VAMP7: variants seen among roughly 807,000 people sequenced by gnomAD.
The protein encoded by VAMP7 is vesicle associated membrane protein 7, also known as vesicle-associated membrane protein 7.
VAMP7 carries 14 observed loss-of-function variants against 29.6 expected under a neutral mutation model. The observed-to-expected ratio is 0.47, with a 90% CI of 0.31 to 0.74. The LOEUF (loss-of-function observed/expected upper bound fraction) is 0.74, where lower values mean the gene tolerates loss of function less well. Ranked by LOEUF, VAMP7 falls within the 30% of genes least tolerant of loss-of-function variation. The pLI is 0.05. For synonymous variants in VAMP7, 95 were observed against 88.1 expected (o/e 1.08, Z -0.44); for missense variants, 223 against 262.4 (o/e 0.85, Z 1.04).
intron 1 of VAMP7, among the ~76,000 whole-genome samples, chrX:155,884,526 C>T (rs1315635100): frequency 6.6e-6 from 1 of 152,150 alleles, no homozygotes; most frequent in Non-Finnish European, 1.5e-5. Context: ...AACAGCAGTA[C>T]AAGAGTGCTT....
rs770677254 is a variant in VAMP7, at chrX:155,919,844, A to G, written c.465A>G (p.Glu155=). The G allele has an allele frequency of 2.6e-5, 42 of 1,613,320 alleles. No homozygotes were observed. The African/African-American group carries it at 4.8e-4, about 18-fold the overall frequency. The change falls in exon 6 of 8, where the codon GAA becomes GAG. Residue 155 remains glutamate, a synonymous_variant. Transcript: ENST00000286448. ...TAGCTCAGCGAGGAGAAAGATTGGA[A>G]TTATTGATTGACAAAACAGAAAATC... ...DLVAQRGERL[E]LLIDKTENLV...
chrX:155,910,212 C>G (rs1056972161), intron 5 of VAMP7, among the ~76,000 whole-genome samples: 3 of 152,128 alleles, frequency 2.0e-5, no homozygotes, highest in Admixed American at 2.0e-4. Flanking sequence ...TGATATTTGT[C>G]TTTCCATGCC....
Position 155,889,443 on chromosome X carries a change from T to C in VAMP7, c.-9-15T>C. The C allele has an allele frequency of 6.2e-7, 1 of 1,609,014 alleles. No homozygotes were observed. On this transcript the variant is annotated splice_polypyrimidine_tract_variant and intron_variant, in intron 1 of 7. Coordinates refer to ENST00000286448, the MANE Select transcript of VAMP7 (RefSeq NM_005638.6). The stretch of plus-strand genomic sequence containing the variant: ...AAAGAAATATTCTAAATCTGTGTCT[T>C]TTTCCTTTTGATAGACTGAAGCCAT...
chrX:155,933,539 C>G (rs1010533823), intron 6 of VAMP7, among the ~76,000 whole-genome samples: 9 of 152,094 alleles, frequency 5.9e-5, no homozygotes, highest in Non-Finnish European at 1.2e-4. Flanking sequence ...TCTGTGGGAT[C>G]GGTGGTGATA....
At chrX:155,882,360 T>A (rs1025279149) in intron 1 of VAMP7, among the ~76,000 whole-genome samples, 3 of 152,204 alleles carry the variant, frequency 2.0e-5, no homozygotes, top group Non-Finnish European at 4.4e-5. Context: ...TTATGTTATA[T>A]ATTGGTTAAT....
chrX:155,896,952 AAT>A (rs1003856589), intron 3 of VAMP7, among the ~76,000 whole-genome samples: 54 of 150,446 alleles, frequency 3.6e-4, no homozygotes, highest in African/African-American at 1.1e-3. Context: ...ATTATATTGA[AAT>A]ATATATATAT....
chrX:155,899,266 C>G (rs1351271357), intron 4 of VAMP7, among the ~76,000 whole-genome samples: 2 of 151,340 alleles, frequency 1.3e-5, no homozygotes, highest in Non-Finnish European at 2.9e-5. Context: ...CCAGCAGTTC[C>G]AGTGTCTCTG....
intron 6 of VAMP7, among the ~76,000 whole-genome samples, chrX:155,935,441 T>A (rs1204162930): frequency 6.6e-6 from 1 of 152,210 alleles, no homozygotes; most frequent in Non-Finnish European, 1.5e-5. Context: ...TCGCTTCATT[T>A]CATTCATTTG....
chrX:155,923,123 C>T (rs2066418800), intron 6 of VAMP7, among the ~76,000 whole-genome samples: 1 of 151,814 alleles, frequency 6.6e-6, no homozygotes, highest in African/African-American at 2.4e-5. Context: ...CTATTGTTGA[C>T]ATATTTTTAT....
chrX:155,937,539 C>T (rs1293083669), intron 6 of VAMP7, among the ~76,000 whole-genome samples: 1 of 151,872 alleles, frequency 6.6e-6, no homozygotes, highest in East Asian at 1.9e-4. Flanking sequence ...GAATATATAC[C>T]ATTTTTATTT....
At chrX:155,914,536 A>G (rs2066283595) in intron 5 of VAMP7, among the ~76,000 whole-genome samples, 1 of 152,196 alleles carries the variant, frequency 6.6e-6, no homozygotes, top group African/African-American at 2.4e-5. Flanking sequence ...GATGCATTCC[A>G]TCAATACCTA....
chrX:155,933,779 T>C (rs761249494), intron 6 of VAMP7, among the ~76,000 whole-genome samples: 1 of 152,348 alleles, frequency 6.6e-6, no homozygotes, highest in East Asian at 1.9e-4. Flanking sequence ...CTAGTTCTTT[T>C]AATTGTGATG....
intron 5 of VAMP7, among the ~76,000 whole-genome samples, chrX:155,911,600 G>A (rs945315154): frequency 6.6e-6 from 1 of 151,788 alleles, no homozygotes. Flanking sequence ...ATGTCTTTCT[G>A]TATCTTTGTG....
At chrX:155,887,415 G>C (rs1391871049) in intron 1 of VAMP7, among the ~76,000 whole-genome samples, 2 of 152,108 alleles carry the variant, frequency 1.3e-5, no homozygotes, top group East Asian at 3.9e-4. Flanking sequence ...AGATGTAGGA[G>C]CATTTCAAGA....
intron 6 of VAMP7, among the ~76,000 whole-genome samples, chrX:155,931,788 T>C (rs976683182): frequency 1.3e-5 from 2 of 152,208 alleles, no homozygotes; most frequent in African/African-American, 4.8e-5. Context: ...TGCCCATGCC[T>C]ATGTCCTCAA....
intron 2 of VAMP7, among the ~76,000 whole-genome samples, 177 bp downstream of exon 2, chrX:155,889,789 G>A (rs758686439): frequency 5.9e-5 from 9 of 151,580 alleles, no homozygotes; most frequent in African/African-American, 1.9e-4. Flanking sequence ...AATTTAACTT[G>A]TAATTATTTT....
At chrX:155,898,309 CTA>C in intron 4 of VAMP7, 60 bp downstream of exon 4, 2 of 1,582,662 alleles carry the variant, frequency 1.3e-6, no homozygotes, top group African/African-American at 2.7e-5. Context: ...CCTTCAAACA[CTA>C]TGAATCTAGG....
chrX:155,935,965 C>T (rs1227469688), intron 6 of VAMP7, among the ~76,000 whole-genome samples: 17 of 152,184 alleles, frequency 1.1e-4, no homozygotes, highest in Non-Finnish European at 2.4e-4. Context: ...CGGAGGGCCA[C>T]TCCAGACCCT....
intron 7 of VAMP7, among the ~76,000 whole-genome samples, 179 bp from the exon 8 acceptor site, chrX:155,941,704 G>A (rs1423272474): frequency 6.6e-6 from 1 of 152,032 alleles, no homozygotes. Flanking sequence ...TACCAAAAAC[G>A]ACAATGTTAA....
Sources: allele counts gnomAD v4.1 joint callset (sites outside exome capture counted in the v4.1 genomes callset), GRCh38; gene constraint gnomAD v4.1.1; transcripts MANE v1.5; gene names NCBI Gene and HGNC (gene_info 2026-07-23, HGNC 2026-07-21).